Variants in NKAIN2 observed in about 807,000 individuals in gnomAD.
NKAIN2 encodes the protein sodium/potassium transporting ATPase interacting 2.
NKAIN2 carries 14 observed loss-of-function variants against 32.6 expected under a neutral mutation model. The observed-to-expected ratio is 0.43, with a 90% CI of 0.28 to 0.67. The LOEUF (loss-of-function observed/expected upper bound fraction) is 0.67, where lower values mean the gene tolerates loss of function less well. NKAIN2 is among the 30% of genes least tolerant of loss of function. NKAIN2 has a pLI of 0.17. For missense variants in NKAIN2, 198 were observed against 258.3 expected (o/e 0.77, Z 1.60); for synonymous variants, 80 against 87.2 (o/e 0.92, Z 0.46).
intron 3 of NKAIN2, among the ~76,000 whole-genome samples, chr6:124,647,936 C>T (rs777060196): frequency 7.9e-5 from 12 of 152,046 alleles, no homozygotes; most frequent in African/African-American, 1.7e-4. Context: ...GAGAAAGACA[C>T]GAGAAATGTT....
chr6:124,598,366 G>T (rs1782175972), intron 3 of NKAIN2, among the ~76,000 whole-genome samples: 1 of 152,090 alleles, frequency 6.6e-6, no homozygotes, highest in Non-Finnish European at 1.5e-5. Context: ...ATTAATAAAT[G>T]TCCAAAGTAC....
chr6:124,209,072 C>T (rs1204733779), intron 1 of NKAIN2, among the ~76,000 whole-genome samples: 1 of 151,236 alleles, frequency 6.6e-6, no homozygotes, highest in Non-Finnish European at 1.5e-5. Flanking sequence ...ACCATTCTCC[C>T]TAACTGTATT....
At chr6:124,799,640 C>A (rs1275406584) in intron 5 of NKAIN2, among the ~76,000 whole-genome samples, 1 of 152,070 alleles carries the variant, frequency 6.6e-6, no homozygotes, top group Non-Finnish European at 1.5e-5. Context: ...CAAAGGAGGG[C>A]CTTTAACTGG....
chr6:124,028,820 T>C (rs1489336720), intron 1 of NKAIN2, among the ~76,000 whole-genome samples: 26 of 140,856 alleles, frequency 1.8e-4, no homozygotes, highest in Admixed American at 1.7e-3. Context: ...TACGTATATG[T>C]GTATATATAT....
At chr6:124,009,935 GTA>G (rs1780247514) in intron 1 of NKAIN2, among the ~76,000 whole-genome samples, 1 of 152,078 alleles carries the variant, frequency 6.6e-6, no homozygotes, top group African/African-American at 2.4e-5. Flanking sequence ...ATATATGTAT[GTA>G]TATATGTGTG....
intron 1 of NKAIN2, among the ~76,000 whole-genome samples, chr6:123,827,719 T>C (rs1774206136): frequency 6.6e-6 from 1 of 152,122 alleles, no homozygotes; most frequent in Non-Finnish European, 1.5e-5. Context: ...TTAAAAATGT[T>C]TTCCAAGTTG....
rs142527949 is a variant in NKAIN2 at position 124,791,228 on chromosome 6, T to C, written c.475-111T>C. On this transcript the variant is annotated intron_variant, in intron 4 of 6. Coordinates refer to ENST00000368417, the MANE Select transcript of NKAIN2 (RefSeq NM_001040214.3). The stretch of plus-strand genomic sequence containing the variant: ...GGTCCAGTCCGATGAGCCATGTTGG[T>C]TGGAGCCCTAAGTCTGGTTGTAAAC... The C allele has an allele frequency of 1.3e-3, 862 of 661,876 alleles. 4 individuals are homozygous for C. The African/African-American group carries it at 0.013, about 10-fold the overall frequency. 41.0% of individuals were successfully genotyped at this position (661,876 alleles called of 1,614,324 possible). A position where few individuals can be genotyped will look rare whatever the true frequency, so the allele number is the denominator to read the frequency against.
chr6:124,779,247 AAGAGAGAG>A lies in NKAIN2; in HGVS notation c.475-12063_475-12056del, dbSNP rs71024703. Among the ~76,000 whole-genome samples the A allele has an allele frequency of 2.7e-3, 201 of 75,234 alleles. 1 individual carries two copies. Among genetic ancestry groups the A allele is most frequent in the South Asian group, 3.2e-3 (5 of 1,556 alleles). 49.4% of individuals were successfully genotyped at this position (75,234 alleles called of 152,430 possible). On this transcript the variant is annotated intron_variant, in intron 4 of 6. Coordinates refer to ENST00000368417, the MANE Select transcript of NKAIN2 (RefSeq NM_001040214.3). Reference sequence around the variant, plus strand: ...CGACAGAGCCAGACTCCAACAAAGAAAGAGAGAGAGAGAGAGAGAGAGAGAGAGAGAGA... The same window carrying A: ...CGACAGAGCCAGACTCCAACAAAGAAAGAGAGAGAGAGAGAGAGAGAGAGA...
At chr6:124,341,676 A>T (rs928264848) in intron 2 of NKAIN2, among the ~76,000 whole-genome samples, 4 of 152,242 alleles carry the variant, frequency 2.6e-5, no homozygotes, top group Non-Finnish European at 4.4e-5. Context: ...GATCTGCAGC[A>T]TAATCTATGA....
At chr6:124,201,578 A>T (rs1305060833) in intron 1 of NKAIN2, among the ~76,000 whole-genome samples, 1 of 152,020 alleles carries the variant, frequency 6.6e-6, no homozygotes, top group Non-Finnish European at 1.5e-5. Context: ...CAAAAAAATC[A>T]ATAATTGAAA....
Position 124,478,197 on chromosome 6 carries a change from G to A in NKAIN2, c.273+122850G>A, listed in dbSNP as rs553358487. Among the ~76,000 whole-genome samples, 15 of 152,196 alleles carry A rather than the reference G, an allele frequency of 9.9e-5. No homozygotes were observed. In the South Asian group the frequency reaches 2.9e-3, roughly 29 times the overall value. On this transcript the variant is annotated intron_variant, in intron 3 of 6. Transcript: ENST00000368417. ...TTAGACGTTAAGTTGAATGTGTTTT[G>A]TCTTAACAGATATAAGGAAAGTGCT...
At chr6:124,596,657 C>A (rs1258297149) in intron 3 of NKAIN2, among the ~76,000 whole-genome samples, 1 of 123,282 alleles carries the variant, frequency 8.1e-6, no homozygotes, top group Non-Finnish European at 1.7e-5. Flanking sequence ...AACAAATAAA[C>A]CATAGGGTGT....
chr6:124,353,754 C>CAAA lies in NKAIN2; in HGVS notation c.193-1505_193-1503dup, dbSNP rs35531198. ...TGGGCGACAGAGCGAGACTCCGTCT[C>CAAA]AAAAAAAAAAGAGGCACAGAGGTGG... On this transcript the variant is annotated intron_variant, in intron 2 of 6. Coordinates refer to ENST00000368417, the MANE Select transcript of NKAIN2 (RefSeq NM_001040214.3). 1.8e-3 allele frequency among the ~76,000 whole-genome samples: 256 copies of CAAA among 145,586 alleles called. 1 individual carries two copies. Among genetic ancestry groups the CAAA allele is most frequent in the Non-Finnish European group, 2.1e-3 (138 of 66,242 alleles).
chr6:124,511,299 A>G (rs1177501490), intron 3 of NKAIN2, among the ~76,000 whole-genome samples: 1 of 152,180 alleles, frequency 6.6e-6, no homozygotes, highest in African/African-American at 2.4e-5. Flanking sequence ...TTTTTAAAAA[A>G]TATGTAAGCC....
chr6:124,069,933 C>T (rs1027787544), intron 1 of NKAIN2, among the ~76,000 whole-genome samples: 5 of 152,238 alleles, frequency 3.3e-5, no homozygotes, highest in East Asian at 1.9e-4. Flanking sequence ...TCATTTGTGA[C>T]GTTTTATACT....
At chr6:123,909,257 A>G (rs1187008977) in intron 1 of NKAIN2, among the ~76,000 whole-genome samples, 17 of 152,026 alleles carry the variant, frequency 1.1e-4, no homozygotes, top group Admixed American at 1.1e-3. Context: ...TGTTTTGCCT[A>G]TTTAGCCTCT....
intron 1 of NKAIN2, among the ~76,000 whole-genome samples, chr6:124,261,595 T>A (rs1017797360): frequency 2.0e-5 from 3 of 152,198 alleles, no homozygotes; most frequent in Non-Finnish European, 4.4e-5. Context: ...GCATGGTACA[T>A]GACGCCCGTA....
chr6:124,480,930 T>C (rs1016271059), intron 3 of NKAIN2, among the ~76,000 whole-genome samples: 8 of 152,084 alleles, frequency 5.3e-5, no homozygotes, highest in Non-Finnish European at 1.0e-4. Context: ...GAAGATCCTA[T>C]ATACAACCCA....
Position 124,823,357 on chromosome 6 carries a change from C to T in NKAIN2, c.*128C>T. 1 of 749,718 alleles carries T rather than the reference C, an allele frequency of 1.3e-6. No individual in the cohort carries two copies. Among genetic ancestry groups the T allele is most frequent in the South Asian group, 1.4e-5 (1 of 70,400 alleles). 46.4% of individuals were successfully genotyped at this position (749,718 alleles called of 1,614,324 possible). ...CATACACGTATTAACAAAACAAATGCAAAGCCTCTACATACAACACTGACA... is the reference window on the plus strand; with the variant it reads ...CATACACGTATTAACAAAACAAATGTAAAGCCTCTACATACAACACTGACA... On this transcript the variant is annotated 3_prime_UTR_variant, in exon 7 of 7. Coordinates refer to ENST00000368417, the MANE Select transcript of NKAIN2 (RefSeq NM_001040214.3).
Sources: gnomAD v4.1 joint callset for allele counts (sites outside exome capture counted in the v4.1 genomes callset) on GRCh38, gnomAD v4.1.1 for gene constraint, MANE v1.5 for transcripts, NCBI Gene and HGNC (gene_info 2026-07-23, HGNC 2026-07-21) for gene names.